The following PPARGC1A variants were observed in gnomAD, a reference collection of about 807,000 sequenced individuals.
The protein encoded by PPARGC1A is PPARG coactivator 1 alpha.
A neutral mutation model predicts 88.7 loss-of-function variants in PPARGC1A; 25 were observed. That is an observed-to-expected ratio of 0.28 (90% confidence interval 0.21 to 0.39). The LOEUF (loss-of-function observed/expected upper bound fraction) is 0.39, where lower values mean the gene tolerates loss of function less well. Ranked by LOEUF, PPARGC1A falls within the 10% of genes least tolerant of loss-of-function variation. The probability of loss-of-function intolerance (pLI) is 1.00; values close to 1 mark genes in which losing one functional copy is unlikely to be tolerated. For synonymous variants in PPARGC1A, 363 were observed against 355.6 expected, an observed-to-expected ratio of 1.02 and a Z score of -0.24; for missense variants, 880 against 968.7, an observed-to-expected ratio of 0.91 and a Z score of 1.22.
chr4:24,457,804 C>T, the PPARGC1A span, among the ~76,000 whole-genome samples: 3 of 152,188 alleles, frequency 2.0e-5, no homozygotes, highest in African/African-American at 7.2e-5. Context: ...ACCTCGTGAT[C>T]CACCCGCCTT....
At chr4:24,374,842 A>G in the PPARGC1A span, among the ~76,000 whole-genome samples, 331 of 152,264 alleles carry the variant, frequency 2.2e-3, no homozygotes, top group Non-Finnish European at 4.0e-3. Context: ...GACTATTTGG[A>G]AAAAATTAAA....
chr4:24,025,078 T>A, the PPARGC1A span, among the ~76,000 whole-genome samples: 1 of 152,164 alleles, frequency 6.6e-6, no homozygotes, highest in Non-Finnish European at 1.5e-5. Context: ...CAATATAAAA[T>A]GTTGCTGTTT....
At chr4:24,361,591 A>T in the PPARGC1A span, among the ~76,000 whole-genome samples, 1 of 152,176 alleles carries the variant, frequency 6.6e-6, no homozygotes, top group Non-Finnish European at 1.5e-5. Context: ...TGAATTTGAT[A>T]ATCCACTGTT....
At chr4:23,969,147 T>G in the PPARGC1A span, among the ~76,000 whole-genome samples, 1 of 152,146 alleles carries the variant, frequency 6.6e-6, no homozygotes, top group Admixed American at 6.5e-5. Context: ...CACAGCTACT[T>G]CATGGTCAAT....
At chr4:24,191,069 G>A in the PPARGC1A span, among the ~76,000 whole-genome samples, 26 of 152,300 alleles carry the variant, frequency 1.7e-4, no homozygotes, top group South Asian at 2.7e-3. Context: ...TGTGCAGACC[G>A]TGGACAAAAG....
chr4:24,263,136 T>C, the PPARGC1A span, among the ~76,000 whole-genome samples: 1 of 152,214 alleles, frequency 6.6e-6, no homozygotes, highest in Non-Finnish European at 1.5e-5. Context: ...TTTCTAAATA[T>C]GTACTGAGCA....
chr4:24,362,092 C>G, the PPARGC1A span, among the ~76,000 whole-genome samples: 1 of 152,168 alleles, frequency 6.6e-6, no homozygotes, highest in African/African-American at 2.4e-5. Flanking sequence ...CGCCATTTAT[C>G]CGAATATTCT....
the PPARGC1A span, among the ~76,000 whole-genome samples, chr4:24,167,653 A>G: frequency 3.3e-5 from 5 of 152,160 alleles, no homozygotes; most frequent in Admixed American, 6.5e-5. Flanking sequence ...AGCAAATATC[A>G]ACATCCGGGC....
chr4:23,877,403 TAGCAGTCGCCTGTAGTCCC>T (rs1277008642), intron 2 of PPARGC1A, among the ~76,000 whole-genome samples: 1 of 146,460 alleles, frequency 6.8e-6, no homozygotes, highest in African/African-American at 2.5e-5. Context: ...TTGGGCGTTG[TAGCAGTCGCCTGTAGTCCC>T]AGCTACTAGG....
intron 2 of PPARGC1A, among the ~76,000 whole-genome samples, chr4:23,846,351 C>A (rs1728323466): frequency 2.0e-5 from 3 of 152,310 alleles, no homozygotes; most frequent in African/African-American, 7.2e-5. Flanking sequence ...CCTCTGGTAA[C>A]TGATCTAATT....
At chr4:24,141,283 G>A in the PPARGC1A span, among the ~76,000 whole-genome samples, 1 of 152,256 alleles carries the variant, frequency 6.6e-6, no homozygotes, top group Non-Finnish European at 1.5e-5. Context: ...GGTTTCACAT[G>A]ACCAGTCCCC....
the PPARGC1A span, among the ~76,000 whole-genome samples, chr4:24,068,840 C>T: frequency 3.9e-5 from 6 of 152,186 alleles, no homozygotes; most frequent in African/African-American, 1.4e-4. Flanking sequence ...AGAGTTCACT[C>T]TCATCATGGA....
At chr4:24,415,263 G>A in the PPARGC1A span, among the ~76,000 whole-genome samples, 1 of 151,934 alleles carries the variant, frequency 6.6e-6, no homozygotes, top group Non-Finnish European at 1.5e-5. Context: ...AGAGGAGCTG[G>A]GGTCATCGAT....
chr4:24,032,990 T>G, the PPARGC1A span, among the ~76,000 whole-genome samples: 13 of 152,344 alleles, frequency 8.5e-5, no homozygotes, highest in Non-Finnish European at 1.5e-5. Context: ...CTAGGAGCAC[T>G]GGCTTTTAAG....
At chr4:24,371,981 T>G in the PPARGC1A span, among the ~76,000 whole-genome samples, 2 of 151,834 alleles carry the variant, frequency 1.3e-5, no homozygotes, top group African/African-American at 4.8e-5. Context: ...GTCAGTAGAA[T>G]GAAATAAGGT....
At chr4:24,318,519 T>A in the PPARGC1A span, among the ~76,000 whole-genome samples, 3 of 152,252 alleles carry the variant, frequency 2.0e-5, no homozygotes, top group Admixed American at 1.3e-4. Context: ...GAATAAGTGA[T>A]AACTTCTCCA....
chr4:24,048,220 CT>C, the PPARGC1A span, among the ~76,000 whole-genome samples: 6 of 152,036 alleles, frequency 3.9e-5, no homozygotes, highest in Non-Finnish European at 8.8e-5. Flanking sequence ...GCAGTCTTTC[CT>C]TTTTTATCTT....
chr4:24,305,316 T>C, the PPARGC1A span, among the ~76,000 whole-genome samples: 9 of 151,744 alleles, frequency 5.9e-5, no homozygotes, highest in Admixed American at 1.3e-4. Context: ...ACAAAAAACA[T>C]GACTTTGAGA....
the PPARGC1A span, among the ~76,000 whole-genome samples, chr4:24,330,325 A>G: frequency 1.3e-5 from 2 of 152,186 alleles, no homozygotes; most frequent in African/African-American, 4.8e-5. Context: ...ACTGCTTACA[A>G]CTAATGACTA....
Sources: allele counts gnomAD v4.1 joint callset (sites outside exome capture counted in the v4.1 genomes callset), GRCh38; gene constraint gnomAD v4.1.1; transcripts MANE v1.5; gene names NCBI Gene and HGNC (gene_info 2026-07-23, HGNC 2026-07-21).